Variants in HTR1F observed in about 807,000 individuals in gnomAD.
HTR1F encodes the protein 5-hydroxytryptamine receptor 1F, also known as 5-hydroxytryptamine (serotonin) receptor 1F, G protein-coupled.
In HTR1F, 17 loss-of-function variants were observed where a neutral mutation model predicts 24.0. That is an observed-to-expected ratio of 0.71 (90% CI 0.48 to 1.06). The LOEUF is 1.06. Ranked by LOEUF, HTR1F falls within the 50% of genes least tolerant of loss-of-function variation. HTR1F has a pLI of 0.00. For synonymous variants in HTR1F, 186 were observed against 156.8 expected (o/e 1.19, Z -1.39); for missense variants, 391 against 427.8 (o/e 0.91, Z 0.76).
At chr3:87,889,352 T>A (rs2107301730) in intron 2 of HTR1F, among the ~76,000 whole-genome samples, 1 of 152,276 alleles carries the variant, frequency 6.6e-6, no homozygotes, top group African/African-American at 2.4e-5. Flanking sequence ...AAATTTGCAA[T>A]ACAAAATATT....
chr3:87,795,998 T>C (rs180829491), intron 1 of HTR1F, among the ~76,000 whole-genome samples: 55 of 152,348 alleles, frequency 3.6e-4, no homozygotes, highest in Non-Finnish European at 7.5e-4. Flanking sequence ...TTTTCTTCTA[T>C]GTACAGTGGG....
At chr3:87,933,154 C>A (rs1704324506) in intron 2 of HTR1F, among the ~76,000 whole-genome samples, 1 of 151,934 alleles carries the variant, frequency 6.6e-6, no homozygotes, top group Non-Finnish European at 1.5e-5. Context: ...AATTCAACAA[C>A]CCTTCATGCT....
At chr3:87,869,062 A>G (rs1190956494) in intron 2 of HTR1F, among the ~76,000 whole-genome samples, 1 of 152,078 alleles carries the variant, frequency 6.6e-6, no homozygotes, top group Non-Finnish European at 1.5e-5. Flanking sequence ...TAATAATAAG[A>G]TAACAAGGAA....
intron 2 of HTR1F, among the ~76,000 whole-genome samples, chr3:87,903,428 G>GA (rs1706378871): frequency 6.6e-6 from 1 of 151,968 alleles, no homozygotes; most frequent in Non-Finnish European, 1.5e-5. Context: ...CAAAGTTACA[G>GA]AAAAAAACAA....
At chr3:87,821,713 A>G (rs145524901) in intron 1 of HTR1F, among the ~76,000 whole-genome samples, 54 of 152,268 alleles carry the variant, frequency 3.5e-4, no homozygotes, top group African/African-American at 1.2e-3. Context: ...TCTCTAATCA[A>G]ATATCTAGTA....
chr3:87,939,116 A>G (rs1289305129), intron 2 of HTR1F, among the ~76,000 whole-genome samples: 1 of 152,210 alleles, frequency 6.6e-6, no homozygotes, highest in Non-Finnish European at 1.5e-5. Context: ...GCATTTCTGC[A>G]TCTATTGAGA....
At chr3:87,803,617 C>G (rs1272302881) in intron 1 of HTR1F, among the ~76,000 whole-genome samples, 2 of 152,044 alleles carry the variant, frequency 1.3e-5, no homozygotes, top group African/African-American at 4.8e-5. Context: ...ACATAAGATA[C>G]AAAATATGTA....
At chr3:87,841,875 G>A (rs1704812819) in intron 2 of HTR1F, among the ~76,000 whole-genome samples, 1 of 145,714 alleles carries the variant, frequency 6.9e-6, no homozygotes, top group Admixed American at 6.9e-5. Context: ...ACTCCTGCCT[G>A]GGCAACAAGA....
intron 1 of HTR1F, among the ~76,000 whole-genome samples, chr3:87,804,858 C>T (rs925477376): frequency 1.3e-5 from 2 of 152,020 alleles, no homozygotes; most frequent in African/African-American, 4.8e-5. Flanking sequence ...TTGCAACTTT[C>T]CATCTAAAGA....
chr3:87,852,078 G>T (rs1413579386), intron 2 of HTR1F, among the ~76,000 whole-genome samples: 1 of 150,942 alleles, frequency 6.6e-6, no homozygotes, highest in Admixed American at 6.6e-5. Context: ...CTATGAAATA[G>T]TATTTTATTG....
chr3:87,882,751 T>C (rs2343773), intron 2 of HTR1F, among the ~76,000 whole-genome samples: 1,774 of 151,358 alleles, frequency 0.012, 28 homozygotes, highest in African/African-American at 0.041. Context: ...ATATACCTAA[T>C]GCTAGATGAC....
At chr3:87,865,627 T>A (rs1015643514) in intron 2 of HTR1F, among the ~76,000 whole-genome samples, 1 of 152,214 alleles carries the variant, frequency 6.6e-6, no homozygotes, top group African/African-American at 2.4e-5. Context: ...GTGAGAATCA[T>A]AAAAATTGTT....
chr3:87,840,904 GAAA>G (rs1704788467), intron 2 of HTR1F, among the ~76,000 whole-genome samples: 2 of 133,690 alleles, frequency 1.5e-5, no homozygotes, highest in African/African-American at 8.1e-5. Flanking sequence ...GTAGAAAATA[GAAA>G]GACAGTTACC....
chr3:87,840,506 TA>T, intron 2 of HTR1F, among the ~76,000 whole-genome samples: 1 of 152,140 alleles, frequency 6.6e-6, no homozygotes, highest in Non-Finnish European at 1.5e-5. Flanking sequence ...GGTGGTATTG[TA>T]AATTAGCACA....
chr3:87,986,465 C>T (rs900409884), intron 2 of HTR1F, among the ~76,000 whole-genome samples: 5 of 152,010 alleles, frequency 3.3e-5, no homozygotes, highest in Non-Finnish European at 7.4e-5. Flanking sequence ...TAGAATATAA[C>T]CCAAAATTTT....
At chr3:87,837,035 T>C (rs1039899760) in intron 2 of HTR1F, among the ~76,000 whole-genome samples, 1 of 152,098 alleles carries the variant, frequency 6.6e-6, no homozygotes, top group African/African-American at 2.4e-5. Context: ...CACAGACTTA[T>C]TATGTTTGCA....
intron 2 of HTR1F, among the ~76,000 whole-genome samples, chr3:87,823,256 G>A (rs1221546238): frequency 6.6e-6 from 1 of 152,048 alleles, no homozygotes; most frequent in African/African-American, 2.4e-5. Flanking sequence ...CTATACATTA[G>A]ATTTTGAAAA....
At chr3:87,822,730 A>C (rs1253629575) in intron 2 of HTR1F, among the ~76,000 whole-genome samples, 2 of 152,198 alleles carry the variant, frequency 1.3e-5, no homozygotes, top group African/African-American at 4.8e-5. Flanking sequence ...TAGCTTATCC[A>C]TGTGATACAC....
At chr3:87,955,837 T>C (rs1449641212) in intron 2 of HTR1F, among the ~76,000 whole-genome samples, 3 of 151,486 alleles carry the variant, frequency 2.0e-5, no homozygotes, top group Non-Finnish European at 3.0e-5. Context: ...ATATCTTCTT[T>C]TGTGAGGTAT....
Sources: allele counts gnomAD v4.1 joint callset (sites outside exome capture counted in the v4.1 genomes callset), GRCh38; gene constraint gnomAD v4.1.1; transcripts MANE v1.5; gene names NCBI Gene and HGNC (gene_info 2026-07-23, HGNC 2026-07-21).